TNR: variants seen among roughly 807,000 people sequenced by gnomAD.
The protein encoded by TNR is tenascin-R.
In TNR, 45 loss-of-function variants were observed where a neutral mutation model predicts 150.4. The observed-to-expected ratio is 0.30, with a 90% CI of 0.24 to 0.38. TNR has a LOEUF of 0.38. TNR is among the 10% of genes least tolerant of loss of function. The pLI, the probability that TNR is intolerant of heterozygous loss-of-function variation, is 1.00. For missense variants in TNR, 1,544 were observed against 1,759.1 expected, an observed-to-expected ratio of 0.88 and a Z score of 2.19; for synonymous variants, 687 against 678.4, an observed-to-expected ratio of 1.01 and a Z score of -0.20.
At chr1:175,431,653 T>G (rs1655266710) in intron 2 of TNR, among the ~76,000 whole-genome samples, 1 of 143,572 alleles carries the variant, frequency 7.0e-6, no homozygotes, top group East Asian at 2.0e-4. Context: ...TTTTTTTTTG[T>G]AATGGGGCCA....
In TNR at chr1:175,319,759, G is replaced by C. The variant is rs1648946584; in HGVS notation, c.*3598C>G. The stretch of plus-strand genomic sequence containing the variant: ...CTGGTTTGGCTCTCCTGGAAACTTG[G>C]AGACGTGGCCTTTCTCAACCCCGCT... On this transcript the variant is annotated 3_prime_UTR_variant, in exon 23 of 23. Transcript: ENST00000367674. The C allele has an allele frequency of 6.6e-6, 1 of 152,352 alleles. No individual in the cohort carries two copies. Among genetic ancestry groups the C allele is most frequent in the African/African-American group, 2.4e-5 (1 of 41,566 alleles). 9.4% of individuals were successfully genotyped at this position (152,352 alleles called of 1,614,324 possible).
chr1:175,443,857 C>T (rs1655909484), intron 2 of TNR, among the ~76,000 whole-genome samples: 1 of 152,180 alleles, frequency 6.6e-6, no homozygotes, highest in African/African-American at 2.4e-5. Context: ...ACTTCTAAAA[C>T]CTTCAGAAAA....
chr1:175,591,494 T>G (rs886344898), intron 1 of TNR, among the ~76,000 whole-genome samples: 3 of 152,160 alleles, frequency 2.0e-5, no homozygotes, highest in African/African-American at 7.2e-5. Flanking sequence ...CCCCAACCAC[T>G]GCCGGGAGCT....
At chr1:175,536,259 T>G (rs1015495532) in intron 1 of TNR, among the ~76,000 whole-genome samples, 3 of 152,240 alleles carry the variant, frequency 2.0e-5, no homozygotes, top group African/African-American at 7.2e-5. Context: ...GGTTGAATTT[T>G]TTCAACCATG....
At chr1:175,697,899 AATGGGAGCTTC>A in intron 1 of TNR, among the ~76,000 whole-genome samples, 2 of 152,318 alleles carry the variant, frequency 1.3e-5, no homozygotes, top group South Asian at 4.1e-4. Context: ...TAAGGCTCAG[AATGGGAGCTTC>A]ATGTTCATGG....
intron 1 of TNR, among the ~76,000 whole-genome samples, chr1:175,719,294 G>A (rs996109202): frequency 7.9e-5 from 12 of 152,152 alleles, no homozygotes; most frequent in Non-Finnish European, 1.5e-5. Flanking sequence ...AGAAGCTCAG[G>A]CTACTGTGGC....
At chr1:175,550,599 C>G (rs1473114123) in intron 1 of TNR, among the ~76,000 whole-genome samples, 2 of 151,804 alleles carry the variant, frequency 1.3e-5, no homozygotes, top group African/African-American at 4.8e-5. Context: ...TACCCTACTT[C>G]CACTCCATGT....
At chr1:175,718,190 A>G (rs1156637989) in intron 1 of TNR, among the ~76,000 whole-genome samples, 1 of 152,196 alleles carries the variant, frequency 6.6e-6, no homozygotes, top group Admixed American at 6.5e-5. Flanking sequence ...TGGGTGAAAC[A>G]AAATATCATG....
chr1:175,721,675 A>T (rs959966900), intron 1 of TNR, among the ~76,000 whole-genome samples: 3 of 152,016 alleles, frequency 2.0e-5, no homozygotes, highest in African/African-American at 7.3e-5. Context: ...CACACCCCTA[A>T]GTCTGTCTTC....
At chr1:175,430,610 T>C (rs1655219962) in intron 2 of TNR, among the ~76,000 whole-genome samples, 2 of 152,210 alleles carry the variant, frequency 1.3e-5, no homozygotes, top group Non-Finnish European at 2.9e-5. Flanking sequence ...AACCAGTTCT[T>C]AGCGGTAGAG....
At chr1:175,368,741 G>C (rs1651950609) in intron 9 of TNR, among the ~76,000 whole-genome samples, 1 of 152,206 alleles carries the variant, frequency 6.6e-6, no homozygotes, top group South Asian at 2.1e-4. Flanking sequence ...TCTGAGGTCA[G>C]GAGTTCGAGA....
At chr1:175,699,067 T>C (rs1185746936) in intron 1 of TNR, among the ~76,000 whole-genome samples, 1 of 152,106 alleles carries the variant, frequency 6.6e-6, no homozygotes, top group East Asian at 1.9e-4. Context: ...CACAAGGTGA[T>C]GGAGACAGGG....
chr1:175,383,609 T>C (rs1324284762), intron 8 of TNR, among the ~76,000 whole-genome samples: 3 of 152,188 alleles, frequency 2.0e-5, no homozygotes, highest in African/African-American at 7.2e-5. Flanking sequence ...AAATATCCAC[T>C]CACCATGCAG....
intron 1 of TNR, among the ~76,000 whole-genome samples, chr1:175,572,239 C>T (rs1661904075): frequency 6.6e-6 from 1 of 152,238 alleles, no homozygotes; most frequent in Non-Finnish European, 1.5e-5. Flanking sequence ...ACTGCCATTT[C>T]ATTCATTTGC....
At chr1:175,359,581 C>A (rs1651495517) in intron 15 of TNR, 31 bp downstream of exon 15, 1 of 1,612,692 alleles carries the variant, frequency 6.2e-7, no homozygotes, top group Non-Finnish European at 8.5e-7. Context: ...CCATTCCCAC[C>A]TGCCTGATCT....
intron 2 of TNR, among the ~76,000 whole-genome samples, chr1:175,431,360 G>A (rs1451685806): frequency 2.6e-5 from 4 of 152,192 alleles, no homozygotes; most frequent in Admixed American, 6.5e-5. Context: ...ATTATCAAGT[G>A]CCTACCATGT....
chr1:175,376,010 C>G (rs986017568), intron 9 of TNR, among the ~76,000 whole-genome samples: 5 of 152,208 alleles, frequency 3.3e-5, no homozygotes, highest in East Asian at 1.9e-4. Context: ...TGGTCTCCCC[C>G]CTGAGTGGGG....
chr1:175,602,272 C>T (rs865868032), intron 1 of TNR, among the ~76,000 whole-genome samples: 21 of 145,986 alleles, frequency 1.4e-4, no homozygotes, highest in African/African-American at 4.8e-4. Flanking sequence ...GCGATCTACT[C>T]ATTCCTCTCT....
At chr1:175,689,166 G>A (rs1415373385) in intron 1 of TNR, among the ~76,000 whole-genome samples, 1 of 152,202 alleles carries the variant, frequency 6.6e-6, no homozygotes, top group Non-Finnish European at 1.5e-5. Context: ...CCAGAGGCCT[G>A]AGCCTGGAAT....
Sources: allele counts gnomAD v4.1 joint callset (sites outside exome capture counted in the v4.1 genomes callset), GRCh38; gene constraint gnomAD v4.1.1; transcripts MANE v1.5; gene names NCBI Gene and HGNC (gene_info 2026-07-23, HGNC 2026-07-21).